RPS6KA5: variants seen among roughly 807,000 people sequenced by gnomAD.
RPS6KA5 encodes ribosomal protein S6 kinase alpha-5.
Under a neutral mutation model 85.5 loss-of-function variants are expected in RPS6KA5, and 27 were observed. The observed-to-expected ratio is 0.32, with a 90% confidence interval of 0.23 to 0.44. The LOEUF (loss-of-function observed/expected upper bound fraction) is 0.44. Among genes scored for constraint, RPS6KA5 ranks in the 20% least tolerant of loss-of-function variants. The probability of loss-of-function intolerance (pLI) is 1.00; values close to 1 mark genes in which losing one functional copy is unlikely to be tolerated. For missense variants in RPS6KA5, 811 were observed against 980.9 expected (o/e 0.83, Z 2.31); for synonymous variants, 334 against 348.2 (o/e 0.96, Z 0.46).
intron 2 of RPS6KA5, among the ~76,000 whole-genome samples, chr14:90,984,482 C>T (rs2039973835): frequency 6.6e-6 from 1 of 152,190 alleles, no homozygotes; most frequent in Non-Finnish European, 1.5e-5. Context: ...ACACTGCAGA[C>T]ATCTTATGAA....
intron 3 of RPS6KA5, among the ~76,000 whole-genome samples, chr14:90,969,784 T>C (rs2039237383): frequency 6.6e-6 from 1 of 152,224 alleles, no homozygotes; most frequent in Non-Finnish European, 1.5e-5. Context: ...TATTTCTTCT[T>C]AAATGGTGGC....
chr14:90,962,914 G>C (rs567936546), intron 3 of RPS6KA5, among the ~76,000 whole-genome samples: 1 of 152,224 alleles, frequency 6.6e-6, no homozygotes, highest in South Asian at 2.1e-4. Context: ...CTAAGAACTA[G>C]GACATTCCTG....
intron 7 of RPS6KA5, among the ~76,000 whole-genome samples, chr14:90,915,609 C>G (rs1460006822): frequency 1.3e-5 from 2 of 152,024 alleles, no homozygotes; most frequent in Non-Finnish European, 2.9e-5. Flanking sequence ...GAGTTTGAGA[C>G]CAGCCTGGCC....
At chr14:91,024,980 G>A (rs1363161912) in intron 1 of RPS6KA5, among the ~76,000 whole-genome samples, 1 of 151,288 alleles carries the variant, frequency 6.6e-6, no homozygotes, top group African/African-American at 2.4e-5. Context: ...CTCCTGGGTT[G>A]AAGTGATTCT....
At chr14:91,028,558 G>A (rs57194193) in intron 1 of RPS6KA5, among the ~76,000 whole-genome samples, 13 of 146,252 alleles carry the variant, frequency 8.9e-5, no homozygotes, top group East Asian at 2.0e-4. Context: ...TCACTCTGTC[G>A]CCCAGGCTGG....
intron 2 of RPS6KA5, among the ~76,000 whole-genome samples, chr14:90,991,393 T>C (rs927700174): frequency 1.5e-4 from 23 of 151,948 alleles, no homozygotes; most frequent in African/African-American, 5.3e-4. Context: ...TATAGGACTT[T>C]GTGAGAAAAT....
intron 2 of RPS6KA5, among the ~76,000 whole-genome samples, chr14:90,984,944 C>CT (rs142922243): frequency 0.033 from 4,860 of 145,690 alleles, 140 homozygotes; most frequent in Middle Eastern, 0.093. Context: ...AGCCTTTAAT[C>CT]TTTTTTTTTT....
chr14:90,998,648 C>T (rs1229876488), intron 2 of RPS6KA5, among the ~76,000 whole-genome samples: 1 of 152,120 alleles, frequency 6.6e-6, no homozygotes, highest in African/African-American at 2.4e-5. Context: ...CTTAGGAATA[C>T]AGTGGGGTAG....
chr14:90,997,692 A>T (rs1333239509), intron 2 of RPS6KA5, among the ~76,000 whole-genome samples: 1 of 152,204 alleles, frequency 6.6e-6, no homozygotes, highest in African/African-American at 2.4e-5. Flanking sequence ...GTATATCTGT[A>T]CAATGAAACA....
chr14:91,020,135 C>A (rs909366974), intron 1 of RPS6KA5, among the ~76,000 whole-genome samples: 20 of 152,126 alleles, frequency 1.3e-4, no homozygotes, highest in African/African-American at 4.8e-4. Flanking sequence ...TGTTGTATAG[C>A]AGTCCATCAC....
chr14:90,939,173 C>A (rs2037440825), intron 5 of RPS6KA5, among the ~76,000 whole-genome samples: 1 of 152,216 alleles, frequency 6.6e-6, no homozygotes, highest in Non-Finnish European at 1.5e-5. Flanking sequence ...GGGCAAAATG[C>A]CACCAGTCTC....
chr14:90,872,111 G>T lies in RPS6KA5; in HGVS notation c.2372C>A (p.Pro791Gln). ...GTCCGAGAACTGGAAGAGGGTCTCC[G>T]GGTTATTGCTGTCGGCAGGATTGCT... The part of the protein sequence containing the change: ...QPSNPADSNN[P>Q]ETLFQFSDSV... The change falls in exon 17 of 17, where the codon CCG becomes CAG. Residue 791 changes from proline to glutamine, a missense_variant. This residue lies in a region of RPS6KA5 where 650 missense variants were observed against 793.4 expected (regional missense o/e 0.82). Transcript: ENST00000614987. The T allele has an allele frequency of 6.2e-7, 1 of 1,613,752 alleles. No homozygotes were observed. Among genetic ancestry groups the T allele is most frequent in the Non-Finnish European group, 8.5e-7 (1 of 1,179,906 alleles).
At chr14:90,994,469 C>G (rs553099932) in intron 2 of RPS6KA5, among the ~76,000 whole-genome samples, 1 of 150,476 alleles carries the variant, frequency 6.6e-6, no homozygotes, top group Non-Finnish European at 1.5e-5. Flanking sequence ...TATTTTATAT[C>G]TAATAATTCC....
intron 2 of RPS6KA5, among the ~76,000 whole-genome samples, chr14:90,986,318 T>C (rs1305311255): frequency 6.6e-6 from 1 of 152,198 alleles, no homozygotes; most frequent in Non-Finnish European, 1.5e-5. Flanking sequence ...AGAATCATAT[T>C]AATCACTCCT....
chr14:90,964,738 G>A (rs1418810283), intron 3 of RPS6KA5, among the ~76,000 whole-genome samples: 1 of 151,334 alleles, frequency 6.6e-6, no homozygotes, highest in Non-Finnish European at 1.5e-5. Context: ...ACATAGTGAG[G>A]CTCTGACTTT....
intron 1 of RPS6KA5, among the ~76,000 whole-genome samples, chr14:91,058,688 T>G (rs1486288263): frequency 6.6e-6 from 1 of 152,188 alleles, no homozygotes; most frequent in Admixed American, 6.5e-5. Flanking sequence ...AAAATATCAG[T>G]TGTCTATGAA....
intron 1 of RPS6KA5, among the ~76,000 whole-genome samples, chr14:91,035,847 C>CAAAAAAAAAA (rs199625173): frequency 4.7e-4 from 33 of 69,898 alleles, no homozygotes; most frequent in African/African-American, 6.7e-4. Flanking sequence ...CCCTCACCTT[C>CAAAAAAAAAA]AAAAAAAAAA....
intron 5 of RPS6KA5, among the ~76,000 whole-genome samples, chr14:90,932,731 G>C (rs2037050879): frequency 6.6e-6 from 1 of 152,130 alleles, no homozygotes; most frequent in Non-Finnish European, 1.5e-5. Flanking sequence ...AGCACTAGTA[G>C]CATGATCACG....
chr14:90,952,035 G>C (rs2038218320), intron 3 of RPS6KA5, among the ~76,000 whole-genome samples: 3 of 151,900 alleles, frequency 2.0e-5, no homozygotes, highest in Non-Finnish European at 4.4e-5. Flanking sequence ...CTCAACCCAG[G>C]TATGCCCCTC....
Sources: gnomAD v4.1 joint callset for allele counts (sites outside exome capture counted in the v4.1 genomes callset) on GRCh38, gnomAD v4.1.1 for gene constraint, gnomAD v4.1.1 regional missense constraint, MANE v1.5 for transcripts, NCBI Gene and HGNC (gene_info 2026-07-23, HGNC 2026-07-21) for gene names.